CFAP299: variants seen among roughly 807,000 people sequenced by gnomAD.
The protein encoded by CFAP299 is cilia and flagella associated protein 299.
In CFAP299, 21 loss-of-function variants were observed where a neutral mutation model predicts 27.0. The ratio of observed to expected loss-of-function variants is 0.78; its 90% CI spans 0.55 to 1.12. CFAP299 has a LOEUF of 1.12. CFAP299 is among the 50% of genes most tolerant of loss of function. The pLI is 0.00. For synonymous variants in CFAP299, 104 were observed against 98.1 expected (o/e 1.06, Z -0.36); for missense variants, 310 against 276.6 (o/e 1.12, Z -0.86).
chr4:80,509,817 A>G (rs952845888), intron 2 of CFAP299, among the ~76,000 whole-genome samples: 1 of 152,058 alleles, frequency 6.6e-6, no homozygotes, highest in African/African-American at 2.4e-5. Flanking sequence ...CCATGAGTTT[A>G]TCACAAAACT....
rs550115768 is a variant in CFAP299 at position 80,700,701 on chromosome 4, T to A, written c.333+117518T>A. ...TATGGGGATAGGATGTTTAGCCTAT[T>A]CTATCAAGAAATTGTAGAATGAGAT... On this transcript the variant is annotated intron_variant, in intron 3 of 5. Transcript: ENST00000358105. 1.1e-4 allele frequency among the ~76,000 whole-genome samples: 16 copies of A among 152,094 alleles called. 1 individual carries two copies. Among genetic ancestry groups the A allele is most frequent in the African/African-American group, 3.9e-4 (16 of 41,534 alleles).
intron 3 of CFAP299, among the ~76,000 whole-genome samples, chr4:80,783,685 GAAC>G (rs1488130203): frequency 6.6e-6 from 1 of 152,058 alleles, no homozygotes; most frequent in African/African-American, 2.4e-5. Context: ...ATGGCATTTT[GAAC>G]AACATCACTG....
chr4:80,866,096 T>TATATA (rs1732729159), intron 3 of CFAP299, among the ~76,000 whole-genome samples: 1 of 130,420 alleles, frequency 7.7e-6, no homozygotes, highest in African/African-American at 2.8e-5. Flanking sequence ...TATATATATA[T>TATATA]CTTCCCAAAT....
intron 3 of CFAP299, among the ~76,000 whole-genome samples, chr4:80,799,866 A>G (rs928070176): frequency 3.2e-5 from 1 of 31,604 alleles, no homozygotes; most frequent in East Asian, 1.5e-3. Context: ...AATATATATT[A>G]TATATATTAT....
chr4:80,715,135 CTGGGCAGAGTACCAAGT>C (rs1322373871), intron 3 of CFAP299, among the ~76,000 whole-genome samples: 1 of 152,022 alleles, frequency 6.6e-6, no homozygotes, highest in East Asian at 1.9e-4. Context: ...ATTAGACTTC[CTGGGCAGAGTACCAAGT>C]TGGGCAGATG....
chr4:80,558,385 A>G (rs1734885864), intron 2 of CFAP299, among the ~76,000 whole-genome samples: 1 of 140,524 alleles, frequency 7.1e-6, no homozygotes, highest in African/African-American at 2.8e-5. Context: ...TTGGCCAGGA[A>G]CCTTAAAGTT....
At chr4:80,940,929 T>C (rs1737162998) in intron 4 of CFAP299, among the ~76,000 whole-genome samples, 1 of 152,096 alleles carries the variant, frequency 6.6e-6, no homozygotes, top group African/African-American at 2.4e-5. Flanking sequence ...CTGTAATGAG[T>C]AATAAAATGA....
intron 4 of CFAP299, among the ~76,000 whole-genome samples, chr4:80,891,234 T>G (rs1734257513): frequency 6.7e-6 from 1 of 149,594 alleles, no homozygotes; most frequent in African/African-American, 2.5e-5. Context: ...AATTGATTTT[T>G]GTATAAGGTG....
At chr4:80,956,490 G>A (rs1332073178) in intron 5 of CFAP299, among the ~76,000 whole-genome samples, 2 of 151,940 alleles carry the variant, frequency 1.3e-5, no homozygotes, top group Non-Finnish European at 2.9e-5. Context: ...GGAGTCCAGT[G>A]GCACAATCAT....
intron 3 of CFAP299, among the ~76,000 whole-genome samples, chr4:80,675,066 C>T (rs75282429): frequency 0.046 from 6,997 of 152,260 alleles, 559 homozygotes; most frequent in African/African-American, 0.16. Flanking sequence ...TGTTGCATTG[C>T]TGGTGAGGAG....
intron 2 of CFAP299, among the ~76,000 whole-genome samples, chr4:80,518,657 G>T (rs1732712370): frequency 6.6e-6 from 1 of 152,072 alleles, no homozygotes; most frequent in Non-Finnish European, 1.5e-5. Context: ...ATATTTAAGG[G>T]AGAAAAAATG....
intron 4 of CFAP299, among the ~76,000 whole-genome samples, chr4:80,911,394 A>C (rs2110203645): frequency 6.6e-6 from 1 of 152,218 alleles, no homozygotes; most frequent in Admixed American, 6.5e-5. Context: ...TTTCACATCA[A>C]ATATACAAGT....
At chr4:80,937,299 T>C (rs1228429299) in intron 4 of CFAP299, among the ~76,000 whole-genome samples, 1 of 133,218 alleles carries the variant, frequency 7.5e-6, no homozygotes, top group African/African-American at 3.0e-5. Context: ...TTCTTTTTTC[T>C]TTTTTTTTCT....
At chr4:80,867,363 G>C (rs1338975091) in intron 3 of CFAP299, among the ~76,000 whole-genome samples, 2 of 152,040 alleles carry the variant, frequency 1.3e-5, no homozygotes, top group Non-Finnish European at 2.9e-5. Flanking sequence ...TGTGTTTCAT[G>C]ATATATGATA....
At chr4:80,659,325 A>G (rs1740715721) in intron 3 of CFAP299, among the ~76,000 whole-genome samples, 1 of 152,040 alleles carries the variant, frequency 6.6e-6, no homozygotes, top group Non-Finnish European at 1.5e-5. Context: ...TCTGATTTCT[A>G]ACCATCAAAA....
chr4:80,508,349 C>T (rs1264177295), intron 2 of CFAP299, among the ~76,000 whole-genome samples: 1 of 151,780 alleles, frequency 6.6e-6, no homozygotes, highest in Non-Finnish European at 1.5e-5. Flanking sequence ...TCTTTTTTTC[C>T]CGAATTTACA....
chr4:80,427,801 T>G (rs1194084393), intron 2 of CFAP299, among the ~76,000 whole-genome samples: 1 of 152,230 alleles, frequency 6.6e-6, no homozygotes, highest in East Asian at 1.9e-4. Flanking sequence ...TTTATTTTTA[T>G]TTCAACTGCC....
At chr4:80,766,905 T>C (rs1368964190) in intron 3 of CFAP299, among the ~76,000 whole-genome samples, 1 of 152,194 alleles carries the variant, frequency 6.6e-6, no homozygotes, top group Admixed American at 6.5e-5. Flanking sequence ...TATTTATGTG[T>C]ATGTGTATGT....
intron 2 of CFAP299, among the ~76,000 whole-genome samples, chr4:80,468,049 G>A (rs1397868412): frequency 6.6e-6 from 1 of 152,144 alleles, no homozygotes; most frequent in Non-Finnish European, 1.5e-5. Context: ...TGGGAACACA[G>A]AGCCAAACCA....
Sources: gnomAD v4.1 joint callset for allele counts (sites outside exome capture counted in the v4.1 genomes callset) on GRCh38, gnomAD v4.1.1 for gene constraint, MANE v1.5 for transcripts, NCBI Gene and HGNC (gene_info 2026-07-23, HGNC 2026-07-21) for gene names.